SMTN: variants seen among roughly 807,000 people sequenced by gnomAD.
SMTN encodes the protein smoothelin.
A neutral mutation model predicts 102.0 loss-of-function variants in SMTN; 58 were observed. That is an observed-to-expected ratio of 0.57 (90% CI 0.46 to 0.71). SMTN has a LOEUF of 0.71. Ranked by LOEUF, SMTN falls within the 30% of genes least tolerant of loss-of-function variation. The probability of loss-of-function intolerance (pLI) is 0.00; values close to 1 mark genes in which losing one functional copy is unlikely to be tolerated. For missense variants in SMTN, 1,185 were observed against 1,241.7 expected (o/e 0.95, Z 0.69); for synonymous variants, 478 against 497.9 (o/e 0.96, Z 0.53).
Position 31,095,784 on chromosome 22 carries a change from C to T in SMTN, c.1861+175C>T, listed in dbSNP as rs969234661. ...CCCTGCTGGATCCAGCTGCTCCTTC[C>T]CTAGCTCCTTCTCTCCCGCTGGTGA... On this transcript the variant is annotated intron_variant, in intron 13 of 20. Transcript: ENST00000333137. The surrounding 1 kb of genome is among the most constrained non-coding windows in gnomAD (Gnocchi z 4.1). The T allele has an allele frequency of 4.9e-6, 3 of 614,388 alleles. No individual in the cohort carries two copies. The highest frequency in any genetic ancestry group is 8.6e-6 in the Non-Finnish European group (3 of 350,102). 38.1% of individuals were successfully genotyped at this position (614,388 alleles called of 1,614,324 possible). A position where few individuals can be genotyped will look rare whatever the true frequency, so the allele number is the denominator to read the frequency against.
Position 31,090,963 on chromosome 22 carries a change from T to A in SMTN, c.940T>A (p.Ser314Thr). ...SPRQPAQNRE[S>T]TPLASGPSSF... ...GACAGCCCTCCTGTTCCTTCTAGAG[T>A]CCACCCCCCTTGCCAGCGGACCTTC... Residue 314 changes from serine to threonine, a missense_variant and splice_region_variant, in exon 10 of 21, where the codon TCC becomes ACC. Transcript: ENST00000333137. 6.2e-7 allele frequency: 1 copy of A among 1,613,022 alleles called. No individual in the cohort carries two copies. Among genetic ancestry groups the A allele is most frequent in the Non-Finnish European group, 8.5e-7 (1 of 1,179,288 alleles).
chr22:31,077,134 G>A (rs900531091), upstream of SMTN, among the ~76,000 whole-genome samples: 10 of 152,196 alleles, frequency 6.6e-5, no homozygotes, highest in Non-Finnish European at 1.2e-4. Flanking sequence ...CTGGCCGGGC[G>A]CAGTGGCTCA....
chr22:31,071,567 C>T lies in SMTN; in HGVS notation c.-386+7380C>T, dbSNP rs896503027. ...AGGAGGTCGAGGCTGCAGTGAGCTG[C>T]GATCACGCCATTGCACTCCAGCCTG... On this transcript the variant is annotated intron_variant, in intron 1 of 3. Coordinates refer to the SMTN transcript ENST00000422839. 5.0e-4 allele frequency among the ~76,000 whole-genome samples: 75 copies of T among 151,514 alleles called. 1 individual carries two copies. Among genetic ancestry groups the T allele is most frequent in the Non-Finnish European group, 8.8e-4 (60 of 67,898 alleles).
intron 1 of SMTN, chr22:31,066,708 T>C (rs956395478): frequency 1.3e-5 from 2 of 152,228 alleles, no homozygotes; most frequent in African/African-American, 4.8e-5. Context: ...ACTTACTCCA[T>C]ATCAAACCTC....
chr22:31,091,313 A>AG lies in SMTN; in HGVS notation c.1296dup (p.Pro433AlafsTer71). On this transcript the variant is annotated frameshift_variant, in exon 10 of 21. Transcript: ENST00000333137. LOFTEE classifies it high-confidence loss of function. ...CTGCTAGGCCCCTTGAAAACAGAGC[A>AG]GGGGGGCCTGTGGCACGTTCAGAGG... The AG allele has an allele frequency of 6.2e-7, 1 of 1,604,430 alleles. No homozygotes were observed.
rs777040321 is a variant in SMTN at position 31,090,091 on chromosome 22, GTTC to G, written c.793-12_793-10del. 2 of 1,611,842 alleles carry G rather than the reference GTTC, an allele frequency of 1.2e-6. No individual in the cohort carries two copies. Among genetic ancestry groups the G allele is most frequent in the Non-Finnish European group, 1.7e-6 (2 of 1,178,848 alleles). ...GGGAGTCAGGCCTTGCTCAGGCCCT[GTTC>G]TTCTCCCTTGCAGCTTCTGTCTGGC... On this transcript the variant is annotated splice_polypyrimidine_tract_variant and intron_variant, in intron 7 of 20. Coordinates refer to ENST00000333137, the MANE Select transcript of SMTN (RefSeq NM_134269.3).
chr22:31,081,904 A>G (rs1463505834), intron 1 of SMTN, among the ~76,000 whole-genome samples: 1 of 152,208 alleles, frequency 6.6e-6, no homozygotes, highest in Admixed American at 6.5e-5. Flanking sequence ...AGTCTTGAAG[A>G]GGTTTAACCC....
intron 2 of SMTN, chr22:31,085,243 C>T (rs1325483531): frequency 3.9e-6 from 6 of 1,530,914 alleles, no homozygotes; most frequent in Non-Finnish European, 4.4e-6. Context: ...CAGGCGGTAG[C>T]GGGTGTCTTC....
Position 31,071,355 on chromosome 22 carries a change from G to A in SMTN, c.-386+7168G>A, listed in dbSNP as rs139060830. 5.4e-3 allele frequency among the ~76,000 whole-genome samples: 812 copies of A among 151,416 alleles called. 2 individuals are homozygous for A. Among genetic ancestry groups the A allele is most frequent in the Non-Finnish European group, 8.6e-3 (585 of 67,864 alleles). ...TCAGTAACAAATATTCAGCTGGAGC[G>A]GGCATCATGGCTCACACCTGTAATC... On this transcript the variant is annotated intron_variant, in intron 1 of 3. Transcript: ENST00000422839.
chr22:31,082,968 A>G, intron 1 of SMTN: 1 of 1,479,736 alleles, frequency 6.8e-7, no homozygotes, highest in Non-Finnish European at 9.2e-7. Context: ...CCAAGCTGGC[A>G]GGGCTGGAAC....
intron 16 of SMTN, 40 bp downstream of exon 16, chr22:31,097,378 G>T (rs563677461): frequency 9.5e-6 from 15 of 1,573,858 alleles, no homozygotes; most frequent in Middle Eastern, 1.7e-4. Flanking sequence ...AGAGGAGTCA[G>T]TGCCACAGGG....
chr22:31,086,487 C>T (rs1251701571), intron 2 of SMTN, among the ~76,000 whole-genome samples: 1 of 152,160 alleles, frequency 6.6e-6, no homozygotes, highest in Non-Finnish European at 1.5e-5. Flanking sequence ...ACTGATGCCT[C>T]GGGGTATCCT....
chr22:31,089,400 G>A (rs1009087097), intron 6 of SMTN, among the ~76,000 whole-genome samples: 1 of 152,202 alleles, frequency 6.6e-6, no homozygotes, highest in Non-Finnish European at 1.5e-5. Flanking sequence ...CTCCACTCCA[G>A]GGATCTATTA....
At chr22:31,076,518 A>G (rs9619167), upstream of SMTN, among the ~76,000 whole-genome samples, 11,173 of 152,344 alleles carry the variant, frequency 0.073, 493 homozygotes, top group Non-Finnish European at 0.1. Flanking sequence ...GGGACAGAAC[A>G]TTAGCATCTG....
chr22:31,073,017 T>A (rs1346099499), intron 1 of SMTN, among the ~76,000 whole-genome samples: 1 of 141,572 alleles, frequency 7.1e-6, no homozygotes, highest in Non-Finnish European at 1.5e-5. Flanking sequence ...CTCTCTTTTT[T>A]TTTTTTTTTT....
intron 1 of SMTN, among the ~76,000 whole-genome samples, chr22:31,073,454 T>C (rs1390438268): frequency 6.6e-6 from 1 of 152,148 alleles, no homozygotes; most frequent in Non-Finnish European, 1.5e-5. Context: ...GCAAAGGCAG[T>C]TAAGTGTGGA....
chr22:31,090,703 G>A, intron 8 of SMTN, 105 bp from the exon 9 acceptor site: 2 of 904,780 alleles, frequency 2.2e-6, no homozygotes, highest in South Asian at 2.9e-5. Flanking sequence ...GAAAGGGTGG[G>A]AAGCTAGGGA....
intron 1 of SMTN, chr22:31,065,791 T>C (rs1362512073): frequency 6.6e-6 from 1 of 151,954 alleles, no homozygotes; most frequent in African/African-American, 2.4e-5. Flanking sequence ...GGCTCAGTTA[T>C]GTGTAGATCC....
At chr22:31,094,478 G>T (rs1187573200) in intron 11 of SMTN, among the ~76,000 whole-genome samples, 1 of 152,224 alleles carries the variant, frequency 6.6e-6, no homozygotes, top group Admixed American at 6.5e-5. Flanking sequence ...GGCCCAGGAG[G>T]ACCTAGGCCT....
Sources: allele counts gnomAD v4.1 joint callset (sites outside exome capture counted in the v4.1 genomes callset), GRCh38; gene constraint gnomAD v4.1.1; non-coding constraint Gnocchi (gnomAD v3.1); transcripts MANE v1.5; gene names NCBI Gene and HGNC (gene_info 2026-07-23, HGNC 2026-07-21).